The following ZNF670 variants were observed in gnomAD, a reference collection of about 807,000 sequenced individuals.
ZNF670 encodes zinc finger protein 670.
ZNF670 carries 7 observed loss-of-function variants against 10.9 expected under a neutral mutation model. That is an observed-to-expected ratio of 0.64 (90% CI 0.36 to 1.20). The LOEUF is 1.20. ZNF670 is among the 50% of genes most tolerant of loss of function. The probability of loss-of-function intolerance (pLI) is 0.02; values close to 1 mark genes in which losing one functional copy is unlikely to be tolerated. For synonymous variants in ZNF670, 136 were observed against 152.7 expected (o/e 0.89, Z 0.81); for missense variants, 446 against 458.6 (o/e 0.97, Z 0.25).
chr1:247,068,992 T>C (rs2103070696), intron 1 of ZNF670, among the ~76,000 whole-genome samples: 1 of 150,534 alleles, frequency 6.6e-6, no homozygotes, highest in Middle Eastern at 3.4e-3. Context: ...ACTGAACTCA[T>C]GGGCATAGAG....
chr1:247,040,854 C>A (rs939308209), intron 1 of ZNF670, among the ~76,000 whole-genome samples: 1 of 152,018 alleles, frequency 6.6e-6, no homozygotes, highest in Non-Finnish European at 1.5e-5. Context: ...TGTCACCACG[C>A]CCAGCTGATT....
At chr1:247,053,554 T>G (rs935131179) in intron 1 of ZNF670, among the ~76,000 whole-genome samples, 2 of 152,094 alleles carry the variant, frequency 1.3e-5, no homozygotes, top group African/African-American at 4.8e-5. Flanking sequence ...GAGAATGGCG[T>G]GAACCCGTGA....
intron 1 of ZNF670, chr1:247,043,688 G>A (rs1670372555): frequency 2.1e-6 from 1 of 483,302 alleles, no homozygotes; most frequent in Non-Finnish European, 4.0e-6. Context: ...CCACGATGGG[G>A]TATCAATGTC....
intron 1 of ZNF670, among the ~76,000 whole-genome samples, chr1:247,062,624 TA>T (rs1351730270): frequency 6.6e-6 from 1 of 152,202 alleles, no homozygotes; most frequent in Non-Finnish European, 1.5e-5. Flanking sequence ...CCCTGCTCAC[TA>T]AAATGCTCAG....
At chr1:247,069,527 T>A (rs1671068512) in intron 1 of ZNF670, among the ~76,000 whole-genome samples, 2 of 151,034 alleles carry the variant, frequency 1.3e-5, no homozygotes, top group South Asian at 4.1e-4. Flanking sequence ...AACCAGTATG[T>A]CAAAGAGATA....
chr1:247,076,220 C>T (rs1384693909), intron 1 of ZNF670, among the ~76,000 whole-genome samples: 1 of 152,038 alleles, frequency 6.6e-6, no homozygotes, highest in Non-Finnish European at 1.5e-5. Flanking sequence ...TGACCACCCT[C>T]CCAGGAGACA....
Position 247,065,164 on chromosome 1 carries a change from C to T in ZNF670, c.3+13430G>A, listed in dbSNP as rs954240342. On this transcript the variant is annotated intron_variant, in intron 1 of 3. Transcript: ENST00000366503. ...AGATGCCAATAAGAAACTAAAATTA[C>T]TAAATGCACAAAACACTGGAGTTAT... 3.3e-5 allele frequency among the ~76,000 whole-genome samples: 5 copies of T among 152,190 alleles called. No homozygotes were observed. In the East Asian group the frequency reaches 9.6e-4, roughly 29 times the overall value.
chr1:247,045,006 TTAAC>T (rs755694421), intron 1 of ZNF670, among the ~76,000 whole-genome samples: 3 of 150,934 alleles, frequency 2.0e-5, no homozygotes, highest in Non-Finnish European at 4.4e-5. Context: ...GCAAATAAAT[TTAAC>T]TAAACAATTC....
At chr1:247,063,168 A>T (rs900185008) in intron 1 of ZNF670, among the ~76,000 whole-genome samples, 14 of 152,244 alleles carry the variant, frequency 9.2e-5, no homozygotes, top group Non-Finnish European at 2.1e-4. Context: ...GCCATCCATT[A>T]CTCATTGAAA....
chr1:247,067,609 G>A (rs138673011), intron 1 of ZNF670, among the ~76,000 whole-genome samples: 3,245 of 151,276 alleles, frequency 0.021, 124 homozygotes, highest in African/African-American at 0.073. Flanking sequence ...TTGGGAGGCC[G>A]AGGCGGGCGG....
intron 1 of ZNF670, chr1:247,043,477 TC>T: frequency 1.5e-6 from 1 of 653,908 alleles, no homozygotes. Context: ...CCTTGGTTAA[TC>T]AAGATATTCT....
At position 247,036,621 on chromosome 1, in the gene ZNF670, T is replaced by C. The variant is rs560692394; in HGVS notation, c.*828A>G. Among the ~76,000 whole-genome samples the C allele has an allele frequency of 1.3e-5, 2 of 152,268 alleles. No homozygotes were observed. The highest frequency in any genetic ancestry group is 2.4e-5 in the African/African-American group (1 of 41,548). ...AGGCTGCAGTGAGCTAAGACTATTA[T>C]TACCACTACACTTCAGCCTAGCTGA... On this transcript the variant is annotated 3_prime_UTR_variant, in exon 4 of 4. Coordinates refer to ENST00000366503, the MANE Select transcript of ZNF670 (RefSeq NM_033213.5).
At chr1:247,074,291 C>T (rs914606862) in intron 1 of ZNF670, among the ~76,000 whole-genome samples, 1 of 151,972 alleles carries the variant, frequency 6.6e-6, no homozygotes, top group African/African-American at 2.4e-5. Context: ...TCTGATATAC[C>T]CTCAGCCTGA....
intron 1 of ZNF670, among the ~76,000 whole-genome samples, chr1:247,072,614 G>A (rs915866690): frequency 2.7e-5 from 4 of 150,854 alleles, no homozygotes; most frequent in East Asian, 2.0e-4. Flanking sequence ...GCAAAACCTC[G>A]TCTCTACTAA....
intron 1 of ZNF670, among the ~76,000 whole-genome samples, chr1:247,067,841 CAAAAAAAAAA>C (rs61211824): frequency 1.2e-5 from 1 of 85,262 alleles, no homozygotes; most frequent in East Asian, 6.7e-4. Flanking sequence ...GACTCCGTCT[CAAAAAAAAAA>C]AAAAAAAAAA....
At chr1:247,072,825 T>G (rs1449829472) in intron 1 of ZNF670, among the ~76,000 whole-genome samples, 1 of 92,906 alleles carries the variant, frequency 1.1e-5, no homozygotes, top group African/African-American at 4.9e-5. Flanking sequence ...TATATATATA[T>G]ATATATATAT....
At chr1:247,055,057 A>G (rs965341796) in intron 1 of ZNF670, among the ~76,000 whole-genome samples, 4 of 152,368 alleles carry the variant, frequency 2.6e-5, no homozygotes, top group African/African-American at 9.6e-5. Flanking sequence ...ACAAACCTCC[A>G]GCCCAATCAG....
intron 1 of ZNF670, chr1:247,043,228 A>C (rs1416582784): frequency 8.6e-6 from 6 of 695,166 alleles, no homozygotes; most frequent in Non-Finnish European, 1.6e-5. Context: ...ACAGCACTGA[A>C]GGAGGACTTT....
chr1:247,072,176 C>T (rs1397555016), intron 1 of ZNF670, among the ~76,000 whole-genome samples: 3 of 146,000 alleles, frequency 2.1e-5, no homozygotes, highest in Non-Finnish European at 3.0e-5. Flanking sequence ...TTTTAAACAG[C>T]GTCTCACTAT....
Sources: gnomAD v4.1 joint callset for allele counts (sites outside exome capture counted in the v4.1 genomes callset) on GRCh38, gnomAD v4.1.1 for gene constraint, MANE v1.5 for transcripts, NCBI Gene and HGNC (gene_info 2026-07-23, HGNC 2026-07-21) for gene names.